LRP1B: variants seen among roughly 807,000 people sequenced by gnomAD.
LRP1B encodes the protein low-density lipoprotein receptor-related protein 1B.
Under a neutral mutation model 556.6 loss-of-function variants are expected in LRP1B, and 217 were observed. The ratio of observed to expected loss-of-function variants is 0.39; its 90% CI spans 0.35 to 0.44. The LOEUF (loss-of-function observed/expected upper bound fraction) is 0.44, where lower values mean the gene tolerates loss of function less well. Among genes scored for constraint, LRP1B ranks in the 20% least tolerant of loss-of-function variants. The pLI is 1.00. For missense variants in LRP1B, 5,053 were observed against 5,620.8 expected (o/e 0.90, Z 3.23); for synonymous variants, 2,047 against 1,865.8 (o/e 1.10, Z -2.50).
At chr2:141,819,437 G>A (rs1203477750) in intron 1 of LRP1B, among the ~76,000 whole-genome samples, 8 of 152,130 alleles carry the variant, frequency 5.3e-5, no homozygotes, top group South Asian at 2.1e-4. Context: ...TTGCAATAAC[G>A]TAACACTTCA....
intron 35 of LRP1B, among the ~76,000 whole-genome samples, chr2:140,748,092 AATAT>A (rs757456196): frequency 1.0e-2 from 69 of 6,932 alleles, no homozygotes; most frequent in South Asian, 0.089. Flanking sequence ...AAGTCCTATG[AATAT>A]ATATATATAT....
intron 1 of LRP1B, among the ~76,000 whole-genome samples, chr2:142,092,292 TC>T (rs1706202059): frequency 6.6e-6 from 1 of 151,970 alleles, no homozygotes; most frequent in Non-Finnish European, 1.5e-5. Context: ...ATATGTACTT[TC>T]TGCCAGGTAA....
At chr2:140,634,327 T>C (rs945650984) in intron 41 of LRP1B, among the ~76,000 whole-genome samples, 12 of 152,154 alleles carry the variant, frequency 7.9e-5, no homozygotes, top group Admixed American at 7.2e-4. Flanking sequence ...TACATGATTA[T>C]TGGATAATAA....
chr2:141,270,427 C>A (rs1052078529), intron 3 of LRP1B, among the ~76,000 whole-genome samples: 2 of 151,692 alleles, frequency 1.3e-5, no homozygotes, highest in Non-Finnish European at 3.0e-5. Flanking sequence ...TATTCCACTT[C>A]TGGGCATTAC....
At chr2:142,081,706 T>C (rs1407995875) in intron 1 of LRP1B, among the ~76,000 whole-genome samples, 1 of 152,152 alleles carries the variant, frequency 6.6e-6, no homozygotes, top group East Asian at 1.9e-4. Context: ...CTCAAATTCC[T>C]GGGCTCAAGC....
chr2:142,089,031 C>T (rs556399792), intron 1 of LRP1B, among the ~76,000 whole-genome samples: 5 of 146,728 alleles, frequency 3.4e-5, no homozygotes, highest in Admixed American at 6.8e-5. Flanking sequence ...TATACATAAA[C>T]GCATTATTTT....
At chr2:141,189,248 T>C (rs1046733104) in intron 6 of LRP1B, among the ~76,000 whole-genome samples, 11 of 151,956 alleles carry the variant, frequency 7.2e-5, no homozygotes, top group African/African-American at 2.7e-4. Flanking sequence ...CTAAGAGCAG[T>C]CTGAGCTATG....
At chr2:141,227,222 A>G (rs1449058575) in intron 6 of LRP1B, among the ~76,000 whole-genome samples, 1 of 152,220 alleles carries the variant, frequency 6.6e-6, no homozygotes, top group East Asian at 1.9e-4. Flanking sequence ...CACCATTATT[A>G]GGGCATATTA....
chr2:141,845,724 T>G (rs573358005), intron 1 of LRP1B, among the ~76,000 whole-genome samples: 1 of 151,752 alleles, frequency 6.6e-6, no homozygotes, highest in African/African-American at 2.4e-5. Context: ...ACACTGAAAA[T>G]GAAAGACAAT....
At chr2:140,703,098 T>C (rs967840791) in intron 37 of LRP1B, among the ~76,000 whole-genome samples, 2 of 152,200 alleles carry the variant, frequency 1.3e-5, no homozygotes, top group African/African-American at 4.8e-5. Flanking sequence ...AAATACATAT[T>C]TAATTTATGA....
At chr2:140,469,512 T>C (rs1558903899) in intron 60 of LRP1B, among the ~76,000 whole-genome samples, 2 of 152,216 alleles carry the variant, frequency 1.3e-5, no homozygotes, top group African/African-American at 4.8e-5. Flanking sequence ...CATTGCTCTT[T>C]TCATTTTGAA....
At chr2:141,664,797 T>C (rs931364835) in intron 2 of LRP1B, among the ~76,000 whole-genome samples, 1 of 152,136 alleles carries the variant, frequency 6.6e-6, no homozygotes, top group Non-Finnish European at 1.5e-5. Flanking sequence ...ATTTACAGAT[T>C]CAATGCTATT....
At chr2:140,753,823 C>T (rs1688659804) in intron 35 of LRP1B, among the ~76,000 whole-genome samples, 1 of 152,124 alleles carries the variant, frequency 6.6e-6, no homozygotes, top group Admixed American at 6.5e-5. Flanking sequence ...CAACTTTTCT[C>T]GTACCCTCCA....
Position 140,893,656 on chromosome 2 carries a change from G to T in LRP1B, c.3767-7321C>A, listed in dbSNP as rs558321685. Among the ~76,000 whole-genome samples the T allele has an allele frequency of 4.8e-4, 73 of 152,258 alleles. 1 individual carries two copies. Among genetic ancestry groups the T allele is most frequent in the Admixed American group, 1.5e-3 (23 of 15,292 alleles). On this transcript the variant is annotated intron_variant, in intron 23 of 90. Transcript: ENST00000389484. ...TATTTTAGGTGTTGGGTAAATGGTA[G>T]CTATTAATAACATTATAATAATTAA...
In LRP1B at chr2:141,882,693, T is replaced by C. The variant is rs979298650; in HGVS notation, c.83-72292A>G. 3.5e-4 allele frequency among the ~76,000 whole-genome samples: 54 copies of C among 152,128 alleles called. 1 individual carries two copies. Among genetic ancestry groups the C allele is most frequent in the Non-Finnish European group, 2.2e-4 (15 of 68,008 alleles). On this transcript the variant is annotated intron_variant, in intron 1 of 90. Transcript: ENST00000389484. ...CATTAATAGATAGGTTTAGCTTTTG[T>C]TGCTGAATAAAAAACAGAATATCAA...
chr2:140,539,167 A>C (rs1680041467), intron 45 of LRP1B, among the ~76,000 whole-genome samples: 1 of 152,076 alleles, frequency 6.6e-6, no homozygotes, highest in African/African-American at 2.4e-5. Context: ...TATGACAACA[A>C]ATGGTTTTCC....
In LRP1B at chr2:140,358,132, A is replaced by G. The variant is rs753377499; in HGVS notation, c.11258-16T>C. The stretch of plus-strand genomic sequence containing the variant: ...GTCAGCTTACCTATAGAGTCATACA[A>G]AAAATGATTAGTGCTTCACAGAATC... On this transcript the variant is annotated splice_polypyrimidine_tract_variant and intron_variant, in intron 73 of 90. Coordinates refer to ENST00000389484, the MANE Select transcript of LRP1B (RefSeq NM_018557.3). 1 of 1,606,694 alleles carries G rather than the reference A, an allele frequency of 6.2e-7. No individual in the cohort carries two copies. The highest frequency in any genetic ancestry group is 1.1e-5 in the South Asian group (1 of 90,562).
chr2:141,970,610 T>A (rs1701700215), intron 1 of LRP1B, among the ~76,000 whole-genome samples: 1 of 151,558 alleles, frequency 6.6e-6, no homozygotes, highest in African/African-American at 2.4e-5. Flanking sequence ...CATCTGTAAC[T>A]GTAAGTATAT....
intron 21 of LRP1B, among the ~76,000 whole-genome samples, chr2:140,917,390 T>C (rs1464254916): frequency 1.3e-5 from 2 of 152,166 alleles, no homozygotes; most frequent in Non-Finnish European, 2.9e-5. Flanking sequence ...CCCAAAAGCC[T>C]GCATGTAGAT....
Sources: gnomAD v4.1 joint callset for allele counts (sites outside exome capture counted in the v4.1 genomes callset) on GRCh38, gnomAD v4.1.1 for gene constraint, MANE v1.5 for transcripts, NCBI Gene and HGNC (gene_info 2026-07-23, HGNC 2026-07-21) for gene names.